NPAS2: variants seen among roughly 807,000 people sequenced by gnomAD.
The protein encoded by NPAS2 is neuronal PAS domain-containing protein 2.
In NPAS2, 23 loss-of-function variants were observed where a neutral mutation model predicts 107.5. That is an observed-to-expected ratio of 0.21 (90% CI 0.15 to 0.30). NPAS2 has a LOEUF of 0.30. Ranked by LOEUF, NPAS2 falls within the 10% of genes least tolerant of loss-of-function variation. The pLI is 1.00. For synonymous variants in NPAS2, 403 were observed against 417.5 expected (o/e 0.97, Z 0.42); for missense variants, 756 against 1,043.3 (o/e 0.72, Z 3.79).
rs2105281561 is a variant in NPAS2 at position 100,982,317 on chromosome 2, A to G, written c.1569A>G (p.Gln523=). ...TCCTGCAGGCCAATATCCGGTGGCA[A>G]CAGGAAGAGCTCCACAAGATCCAGG... ...TRILQANIRW[Q]QEELHKIQEQ... The change falls in exon 16 of 21, where the codon CAA becomes CAG. Residue 523 remains glutamine (Q), a synonymous_variant. Coordinates refer to ENST00000335681, the MANE Select transcript of NPAS2 (RefSeq NM_002518.4). 1 of 1,614,172 alleles carries G rather than the reference A, an allele frequency of 6.2e-7. No individual in the cohort carries two copies. Among genetic ancestry groups the G allele is most frequent in the East Asian group, 2.2e-5 (1 of 44,884 alleles).
At chr2:100,952,935 G>A (rs1317650149) in intron 7 of NPAS2, among the ~76,000 whole-genome samples, 1 of 151,552 alleles carries the variant, frequency 6.6e-6, no homozygotes, top group East Asian at 1.9e-4. Flanking sequence ...AGTGCGGAGT[G>A]TCTTTTCAGA....
intron 2 of NPAS2, among the ~76,000 whole-genome samples, chr2:100,914,129 AAGATTCCACCTGTGGG>A (rs1440332970): frequency 6.6e-6 from 1 of 152,188 alleles, no homozygotes; most frequent in East Asian, 1.9e-4. Flanking sequence ...AAGCGCCTCC[AAGATTCCACCTGTGGG>A]AGAAACCCAA....
At chr2:100,967,779 C>G (rs1375187770) in intron 10 of NPAS2, among the ~76,000 whole-genome samples, 1 of 152,170 alleles carries the variant, frequency 6.6e-6, no homozygotes, top group Non-Finnish European at 1.5e-5. Context: ...AGGGGGAAGC[C>G]TGGGGTGGAG....
chr2:100,861,959 TAAG>T (rs1387080231), intron 1 of NPAS2, among the ~76,000 whole-genome samples: 2 of 152,186 alleles, frequency 1.3e-5, no homozygotes, highest in African/African-American at 2.4e-5. Flanking sequence ...GGATCTGTGT[TAAG>T]AAAAGAATGT....
At chr2:100,942,259 G>T (rs982690450) in intron 5 of NPAS2, among the ~76,000 whole-genome samples, 8 of 152,146 alleles carry the variant, frequency 5.3e-5, no homozygotes, top group African/African-American at 1.7e-4. Context: ...GGCACAGCAG[G>T]AGGAGATCCC....
intron 16 of NPAS2, chr2:100,986,368 T>A (rs1322798562): frequency 6.6e-6 from 1 of 152,248 alleles, no homozygotes; most frequent in Non-Finnish European, 1.5e-5. Flanking sequence ...CATGGTGGGA[T>A]CCTCGCCTGC....
At chr2:100,839,085 C>A (rs1404658363) in intron 1 of NPAS2, among the ~76,000 whole-genome samples, 1 of 152,066 alleles carries the variant, frequency 6.6e-6, no homozygotes, top group Non-Finnish European at 1.5e-5. Flanking sequence ...TCCTTCTTGG[C>A]CTACTCTACA....
chr2:100,865,287 C>G (rs938366721), intron 1 of NPAS2, among the ~76,000 whole-genome samples: 9 of 152,054 alleles, frequency 5.9e-5, no homozygotes, highest in African/African-American at 2.2e-4. Context: ...GTTGGGAGTC[C>G]GTGGGAGGAA....
chr2:100,942,044 G>T lies in NPAS2; in HGVS notation c.363+4202G>T, dbSNP rs79919814. 7.4e-4 allele frequency among the ~76,000 whole-genome samples: 113 copies of T among 152,240 alleles called. 2 individuals are homozygous for T. The East Asian group carries it at 0.02, about 28-fold the overall frequency. ...TGAGCAACTGCAAGCAGCTTGGCAC[G>T]GGTGGGGAGTGCCTTGGATGTGAGA... On this transcript the variant is annotated intron_variant, in intron 5 of 20. Coordinates refer to ENST00000335681, the MANE Select transcript of NPAS2 (RefSeq NM_002518.4).
chr2:100,880,137 A>G (rs1005427714), intron 1 of NPAS2, among the ~76,000 whole-genome samples: 1 of 152,128 alleles, frequency 6.6e-6, no homozygotes, highest in African/African-American at 2.4e-5. Flanking sequence ...TGGTGAGCAT[A>G]TGGAGAGATT....
chr2:100,932,717 A>G (rs1389284592), intron 3 of NPAS2, among the ~76,000 whole-genome samples, 193 bp from the exon 4 acceptor site: 2 of 152,256 alleles, frequency 1.3e-5, no homozygotes, highest in Non-Finnish European at 1.5e-5. Context: ...CTAAAGCCTC[A>G]TTAAGGGAGA....
intron 1 of NPAS2, among the ~76,000 whole-genome samples, chr2:100,860,927 C>T (rs1040286779): frequency 5.3e-5 from 8 of 151,902 alleles, no homozygotes; most frequent in Non-Finnish European, 1.2e-4. Context: ...GGGTCTTGCT[C>T]TTTTGCCCAA....
At chr2:100,895,435 G>C (rs1162302385) in intron 1 of NPAS2, among the ~76,000 whole-genome samples, 7 of 152,160 alleles carry the variant, frequency 4.6e-5, no homozygotes, top group Admixed American at 4.6e-4. Flanking sequence ...ATACTGAAGG[G>C]CAAAGCCTGG....
intron 2 of NPAS2, among the ~76,000 whole-genome samples, chr2:100,917,775 G>C (rs138218710): frequency 6.6e-6 from 1 of 152,186 alleles, no homozygotes; most frequent in East Asian, 1.9e-4. Flanking sequence ...AGAAAACCTA[G>C]AGTCCTATAA....
At chr2:100,984,408 CA>C (rs1186822521) in intron 16 of NPAS2, 1 of 152,138 alleles carries the variant, frequency 6.6e-6, no homozygotes, top group African/African-American at 2.4e-5. Context: ...ATAAGAATGA[CA>C]AAACACTGAT....
chr2:100,951,629 A>G (rs1454119978), intron 7 of NPAS2, among the ~76,000 whole-genome samples: 1 of 152,200 alleles, frequency 6.6e-6, no homozygotes, highest in African/African-American at 2.4e-5. Context: ...TACCATAGCC[A>G]AATTCATAGA....
intron 1 of NPAS2, among the ~76,000 whole-genome samples, chr2:100,870,100 C>T (rs1355207011): frequency 3.3e-5 from 5 of 151,914 alleles, no homozygotes; most frequent in Non-Finnish European, 4.4e-5. Flanking sequence ...GGGGTTTCAC[C>T]GTGTTAGCCA....
At chr2:100,891,827 A>G (rs1681090131) in intron 1 of NPAS2, among the ~76,000 whole-genome samples, 1 of 152,236 alleles carries the variant, frequency 6.6e-6, no homozygotes, top group African/African-American at 2.4e-5. Flanking sequence ...ACTTGAGCAC[A>G]GTGAAGATGA....
chr2:100,932,406 G>A (rs1684015966), intron 3 of NPAS2, among the ~76,000 whole-genome samples: 2 of 152,184 alleles, frequency 1.3e-5, no homozygotes, highest in South Asian at 2.1e-4. Context: ...TTTCAGTAAT[G>A]GAAATGCTGA....
Sources: gnomAD v4.1 joint callset for allele counts (sites outside exome capture counted in the v4.1 genomes callset) on GRCh38, gnomAD v4.1.1 for gene constraint, MANE v1.5 for transcripts, NCBI Gene and HGNC (gene_info 2026-07-23, HGNC 2026-07-21) for gene names.